FAM168A: variants seen among roughly 807,000 people sequenced by gnomAD.
FAM168A encodes the protein family with sequence similarity 168 member A.
FAM168A carries 3 observed loss-of-function variants against 28.5 expected under a neutral mutation model. The observed-to-expected ratio is 0.11, with a 90% CI of 0.05 to 0.27. The LOEUF is 0.27. Among genes scored for constraint, FAM168A ranks in the 10% least tolerant of loss-of-function variants. The pLI, the probability that FAM168A is intolerant of heterozygous loss-of-function variation, is 1.00. For synonymous variants in FAM168A, 122 were observed against 124.2 expected, an observed-to-expected ratio of 0.98 and a Z score of 0.12; for missense variants, 222 against 311.5, an observed-to-expected ratio of 0.71 and a Z score of 2.16.
At chr11:73,421,230 C>G (rs1029786831) in intron 3 of FAM168A, among the ~76,000 whole-genome samples, 1 of 152,126 alleles carries the variant, frequency 6.6e-6, no homozygotes, top group African/African-American at 2.4e-5. Flanking sequence ...CAAGGACATT[C>G]TACCTCTAGA....
chr11:73,592,667 C>T (rs773629746), intron 1 of FAM168A, among the ~76,000 whole-genome samples: 10 of 149,572 alleles, frequency 6.7e-5, no homozygotes, highest in Non-Finnish European at 1.0e-4. Flanking sequence ...AGGAGAAGAA[C>T]GGGGAGGGAG....
chr11:73,486,581 C>G (rs147351254), intron 1 of FAM168A, among the ~76,000 whole-genome samples: 2,287 of 152,238 alleles, frequency 0.015, 24 homozygotes, highest in Middle Eastern at 0.051. Context: ...AAGATAATCA[C>G]AAACTGTAAG....
chr11:73,562,120 T>C (rs1336558998), intron 1 of FAM168A, among the ~76,000 whole-genome samples: 1 of 152,212 alleles, frequency 6.6e-6, no homozygotes, highest in African/African-American at 2.4e-5. Flanking sequence ...TGTTTGTATT[T>C]ATAGTAGAGA....
chr11:73,572,676 AG>A (rs1445323352), intron 1 of FAM168A, among the ~76,000 whole-genome samples: 10 of 149,678 alleles, frequency 6.7e-5, no homozygotes, highest in African/African-American at 9.9e-5. Flanking sequence ...GCTTGAAGGC[AG>A]CATGCTCGTT....
At chr11:73,419,832 C>T in intron 4 of FAM168A, 42 bp downstream of exon 4, 1 of 1,610,302 alleles carries the variant, frequency 6.2e-7, no homozygotes, top group Non-Finnish European at 8.5e-7. Context: ...ACAAATCAGT[C>T]CCAACCAAGG....
In FAM168A at chr11:73,457,757, AAAAG is replaced by A. The variant is rs1399546900; in HGVS notation, c.70+10644_70+10647del. Among the ~76,000 whole-genome samples, 21 of 128,972 alleles carry A rather than the reference AAAAG, an allele frequency of 1.6e-4. No homozygotes were observed. In the South Asian group the frequency reaches 2.4e-3, roughly 15 times the overall value. The allele number at this position is 128,972 out of a possible 152,430, so 84.6% of individuals were successfully genotyped here. A position where few individuals can be genotyped will look rare whatever the true frequency, so the allele number is the denominator to read the frequency against. On this transcript the variant is annotated intron_variant, in intron 2 of 7. Transcript: ENST00000356467. ...AAAAAAAAAAAAAAAAAAAGAAAAG[AAAAG>A]AAAGAAAAGAAAAAAAAGGCTAAAA...
At chr11:73,541,758 T>C (rs371262396) in intron 1 of FAM168A, among the ~76,000 whole-genome samples, 4 of 152,178 alleles carry the variant, frequency 2.6e-5, no homozygotes, top group African/African-American at 9.7e-5. Context: ...GAGATAAACT[T>C]ATGAAAATGC....
At chr11:73,545,010 A>ATATATAATATATAT (rs1555035006) in intron 1 of FAM168A, among the ~76,000 whole-genome samples, 2 of 80,804 alleles carry the variant, frequency 2.5e-5, no homozygotes, top group Admixed American at 3.4e-4. Flanking sequence ...ATAATATACT[A>ATATATAATATATAT]TATATATAGT....
At chr11:73,426,424 A>C (rs1866885193) in intron 3 of FAM168A, among the ~76,000 whole-genome samples, 1 of 152,228 alleles carries the variant, frequency 6.6e-6, no homozygotes, top group Non-Finnish European at 1.5e-5. Context: ...TGCTAAAAAT[A>C]GCTCTCTCTC....
intron 1 of FAM168A, among the ~76,000 whole-genome samples, chr11:73,495,580 T>C (rs1267609659): frequency 1.3e-5 from 2 of 151,898 alleles, no homozygotes; most frequent in Non-Finnish European, 2.9e-5. Flanking sequence ...AGACATAGAG[T>C]TTTACAACTA....
chr11:73,526,002 T>C (rs1943441567), intron 1 of FAM168A, among the ~76,000 whole-genome samples: 1 of 152,134 alleles, frequency 6.6e-6, no homozygotes, highest in African/African-American at 2.4e-5. Flanking sequence ...TTAACAGGGG[T>C]AGTAGTATGC....
At chr11:73,416,465 G>C (rs899437582) in intron 4 of FAM168A, among the ~76,000 whole-genome samples, 1 of 152,136 alleles carries the variant, frequency 6.6e-6, no homozygotes, top group African/African-American at 2.4e-5. Context: ...CTCCTTGTTG[G>C]TAGCCAAGTG....
At chr11:73,496,601 C>A (rs1192928175) in intron 1 of FAM168A, among the ~76,000 whole-genome samples, 2 of 152,192 alleles carry the variant, frequency 1.3e-5, no homozygotes, top group Admixed American at 1.3e-4. Flanking sequence ...CACTCTGTCG[C>A]CCAGGCTGGA....
chr11:73,537,121 C>T (rs1167311250), intron 1 of FAM168A, among the ~76,000 whole-genome samples: 1 of 152,004 alleles, frequency 6.6e-6, no homozygotes, highest in Non-Finnish European at 1.5e-5. Flanking sequence ...AACAGAGGAA[C>T]AGAAAAGAGG....
Position 73,435,796 on chromosome 11 carries a change from G to A in FAM168A, c.71-5026C>T, listed in dbSNP as rs74615054. On this transcript the variant is annotated intron_variant, in intron 2 of 7. Coordinates refer to ENST00000356467, the MANE Select transcript of FAM168A (RefSeq NM_015159.3). ...CACTGAGTTCTTGAAAAGACATACC[G>A]TCTCTATTTCACTCATTTCTCATAC... 1.7e-3 allele frequency among the ~76,000 whole-genome samples: 266 copies of A among 152,116 alleles called. 9 individuals carry two copies. In the East Asian group the frequency reaches 0.037, roughly 21 times the overall value.
intron 1 of FAM168A, among the ~76,000 whole-genome samples, chr11:73,574,333 G>C (rs1301951143): frequency 2.6e-5 from 4 of 152,092 alleles, no homozygotes; most frequent in Non-Finnish European, 5.9e-5. Context: ...ATGAAACTTA[G>C]CTAGTAAACA....
At chr11:73,426,666 TGTGTATGTG>T (rs1866889525) in intron 3 of FAM168A, among the ~76,000 whole-genome samples, 1 of 151,886 alleles carries the variant, frequency 6.6e-6, no homozygotes, top group Non-Finnish European at 1.5e-5. Flanking sequence ...GCTGTGTGTG[TGTGTATGTG>T]TGTGTGTGTG....
At position 73,400,985 on chromosome 11, in the gene FAM168A, G is replaced by A. The variant is rs923926059; in HGVS notation, c.*5778C>T. ...ATTTACACTTCATACACACAGGCAAGGCCATGGGGCTTTCCAATCTTTACA... is the reference window on the plus strand; with the variant it reads ...ATTTACACTTCATACACACAGGCAAAGCCATGGGGCTTTCCAATCTTTACA... On this transcript the variant is annotated 3_prime_UTR_variant, in exon 8 of 8. Transcript: ENST00000356467. 4 of 151,912 alleles carry A rather than the reference G, an allele frequency of 2.6e-5. No homozygotes were observed. The highest frequency in any genetic ancestry group is 2.6e-4 in the Admixed American group (4 of 15,258). The allele number at this position is 151,912 out of a possible 1,614,324, so 9.4% of individuals were successfully genotyped here.
At chr11:73,454,721 C>T (rs1399319055) in intron 2 of FAM168A, among the ~76,000 whole-genome samples, 1 of 152,178 alleles carries the variant, frequency 6.6e-6, no homozygotes, top group Non-Finnish European at 1.5e-5. Context: ...TATGGCTGGA[C>T]ATTGGAGAGA....
Sources: allele counts gnomAD v4.1 joint callset (sites outside exome capture counted in the v4.1 genomes callset), GRCh38; gene constraint gnomAD v4.1.1; transcripts MANE v1.5; gene names NCBI Gene and HGNC (gene_info 2026-07-23, HGNC 2026-07-21).